LRRC7: variants seen among roughly 807,000 people sequenced by gnomAD.
The protein encoded by LRRC7 is leucine rich repeat containing 7.
Under a neutral mutation model 175.7 loss-of-function variants are expected in LRRC7, and 23 were observed. The observed-to-expected ratio is 0.13, with a 90% CI of 0.09 to 0.19. LRRC7 has a LOEUF of 0.19. Ranked by LOEUF, LRRC7 falls within the 10% of genes least tolerant of loss-of-function variation. The probability of loss-of-function intolerance (pLI) is 1.00; values close to 1 mark genes in which losing one functional copy is unlikely to be tolerated. For synonymous variants in LRRC7, 685 were observed against 680.9 expected (o/e 1.01, Z -0.09); for missense variants, 1,354 against 1,904.7 (o/e 0.71, Z 5.38).
chr1:69,711,496 A>G (rs1471965635), intron 2 of LRRC7, among the ~76,000 whole-genome samples: 4 of 152,218 alleles, frequency 2.6e-5, no homozygotes, highest in African/African-American at 7.2e-5. Context: ...TCATTTACTC[A>G]GTAATTGAAA....
At chr1:69,850,049 T>C (rs1471049389) in intron 7 of LRRC7, among the ~76,000 whole-genome samples, 2 of 151,934 alleles carry the variant, frequency 1.3e-5, no homozygotes, top group Non-Finnish European at 2.9e-5. Flanking sequence ...TTCATGGGGA[T>C]GTTGGGTGAT....
chr1:69,614,602 G>A (rs1343267091), intron 1 of LRRC7, among the ~76,000 whole-genome samples: 2 of 151,936 alleles, frequency 1.3e-5, no homozygotes, highest in Non-Finnish European at 2.9e-5. Flanking sequence ...GTGCAAGAAC[G>A]GGAGCAATTT....
rs139356751 is a variant in LRRC7, at chr1:69,722,792, A to AT, written c.101-37397dup. On this transcript the variant is annotated intron_variant, in intron 2 of 26. Coordinates refer to ENST00000651989, the MANE Select transcript of LRRC7 (RefSeq NM_001370785.2). ...ATATTGATATTCTTTGACTTTTTTT[A>AT]TTGTTGGTTTTTTCTTATCGCTTTG... 8.9e-4 allele frequency among the ~76,000 whole-genome samples: 135 copies of AT among 151,854 alleles called. 5 individuals are homozygous for AT. In the East Asian group the frequency reaches 0.025, roughly 28 times the overall value.
intron 16 of LRRC7, 75 bp from the exon 17 acceptor site, chr1:70,023,051 A>G: frequency 7.3e-7 from 1 of 1,376,436 alleles, no homozygotes; most frequent in Non-Finnish European, 9.5e-7. Flanking sequence ...AAAAGAGAGT[A>G]GAAAAATGAT....
chr1:69,657,548 T>G (rs183270809), intron 1 of LRRC7, among the ~76,000 whole-genome samples: 7 of 151,876 alleles, frequency 4.6e-5, no homozygotes, highest in African/African-American at 1.7e-4. Flanking sequence ...ATGTATACAT[T>G]GTATTTTTCC....
intron 2 of LRRC7, among the ~76,000 whole-genome samples, chr1:69,679,382 A>G (rs1297233133): frequency 6.6e-6 from 1 of 152,088 alleles, no homozygotes; most frequent in Non-Finnish European, 1.5e-5. Context: ...ATTAGTTTGA[A>G]GTATACTGCT....
chr1:70,090,823 A>T (rs953377136), intron 25 of LRRC7, among the ~76,000 whole-genome samples: 1 of 152,074 alleles, frequency 6.6e-6, no homozygotes, highest in Non-Finnish European at 1.5e-5. Flanking sequence ...ACTTCTGAAA[A>T]ACCTGGGATG....
chr1:69,840,259 A>C (rs1217895642), intron 7 of LRRC7, among the ~76,000 whole-genome samples: 3 of 152,014 alleles, frequency 2.0e-5, no homozygotes, highest in Admixed American at 6.6e-5. Context: ...TCTTTGAATA[A>C]AAATAAACTT....
chr1:69,716,344 C>CTA (rs1665344325), intron 2 of LRRC7: 1 of 399,946 alleles, frequency 2.5e-6, no homozygotes, highest in Admixed American at 4.5e-5. Context: ...TCATGTTAAC[C>CTA]TATATCACAT....
At chr1:69,874,290 G>A (rs1002285064) in intron 7 of LRRC7, 6 of 151,978 alleles carry the variant, frequency 3.9e-5, no homozygotes, top group African/African-American at 9.7e-5. Context: ...AATAACAATC[G>A]ACATAATGGG....
chr1:69,750,333 A>C (rs1669728403), intron 2 of LRRC7, among the ~76,000 whole-genome samples: 1 of 149,722 alleles, frequency 6.7e-6, no homozygotes, highest in Admixed American at 6.7e-5. Flanking sequence ...TGTTACTAAC[A>C]CAAAGAAATG....
At chr1:69,847,352 A>G (rs1196979825) in intron 7 of LRRC7, among the ~76,000 whole-genome samples, 1 of 152,152 alleles carries the variant, frequency 6.6e-6, no homozygotes, top group Non-Finnish European at 1.5e-5. Context: ...CCTAGTTAAC[A>G]GATATATTCC....
At chr1:69,935,899 A>C (rs768440796) in intron 8 of LRRC7, among the ~76,000 whole-genome samples, 1 of 152,180 alleles carries the variant, frequency 6.6e-6, no homozygotes, top group African/African-American at 2.4e-5. Context: ...CCTCAAAGCC[A>C]AAACGTGTTT....
chr1:70,067,225 A>G (rs941977193), intron 23 of LRRC7, among the ~76,000 whole-genome samples: 1 of 151,434 alleles, frequency 6.6e-6, no homozygotes, highest in African/African-American at 2.4e-5. Flanking sequence ...ATTTTCTCCA[A>G]CTCTGTAGCT....
intron 3 of LRRC7, among the ~76,000 whole-genome samples, chr1:69,772,186 G>C (rs1487696317): frequency 1.3e-5 from 2 of 152,054 alleles, no homozygotes; most frequent in East Asian, 3.9e-4. Context: ...ATTGCTGAGA[G>C]GGTACTTGAG....
chr1:70,116,529 A>C (rs1014870877), intron 26 of LRRC7, among the ~76,000 whole-genome samples: 9 of 146,116 alleles, frequency 6.2e-5, no homozygotes, highest in African/African-American at 2.3e-4. Flanking sequence ...CCTGGGCGAC[A>C]GAGCAAGACT....
At chr1:69,954,707 T>G (rs1322977814) in intron 8 of LRRC7, among the ~76,000 whole-genome samples, 1 of 152,062 alleles carries the variant, frequency 6.6e-6, no homozygotes, top group African/African-American at 2.4e-5. Flanking sequence ...GAAAAACTGT[T>G]TTTTTAAGAA....
chr1:70,071,297 C>G (rs943921583), intron 23 of LRRC7, among the ~76,000 whole-genome samples: 1 of 152,134 alleles, frequency 6.6e-6, no homozygotes, highest in African/African-American at 2.4e-5. Flanking sequence ...CATGCTGTGA[C>G]TTGTTCCCCA....
chr1:69,695,690 C>T (rs1048236676), intron 2 of LRRC7, among the ~76,000 whole-genome samples: 1 of 152,164 alleles, frequency 6.6e-6, no homozygotes, highest in Admixed American at 6.5e-5. Context: ...CCCTTGCTGC[C>T]CTGTGCCACC....
Sources: gnomAD v4.1 joint callset for allele counts (sites outside exome capture counted in the v4.1 genomes callset) on GRCh38, gnomAD v4.1.1 for gene constraint, MANE v1.5 for transcripts, NCBI Gene and HGNC (gene_info 2026-07-23, HGNC 2026-07-21) for gene names.